ZNF69: variants seen among roughly 807,000 people sequenced by gnomAD.
ZNF69 encodes zinc finger protein 69.
Under a neutral mutation model 50.9 loss-of-function variants are expected in ZNF69, and 47 were observed. The observed-to-expected ratio is 0.92, with a 90% CI of 0.73 to 1.18. ZNF69 has a LOEUF of 1.18. Among genes scored for constraint, ZNF69 ranks in the 50% most tolerant of loss-of-function variants. ZNF69 has a pLI of 0.00. For missense variants in ZNF69, 717 were observed against 675.1 expected (o/e 1.06, Z -0.69); for synonymous variants, 216 against 223.1 (o/e 0.97, Z 0.29).
At chr19:11,947,045 G>C in the ZNF69 span, 1 of 1,386,726 alleles carries the variant, frequency 7.2e-7, no homozygotes, top group Non-Finnish European at 9.6e-7. Context: ...TAGATGGAGA[G>C]AAAGGGATCT....
At chr19:11,908,899 G>T (rs191097865), downstream of ZNF69, among the ~76,000 whole-genome samples, 17 of 152,170 alleles carry the variant, frequency 1.1e-4, no homozygotes, top group Middle Eastern at 6.8e-3. Flanking sequence ...TTTTTGAAAA[G>T]ATCAACAAAA....
the ZNF69 span, among the ~76,000 whole-genome samples, chr19:11,967,358 C>T: frequency 1.3e-5 from 2 of 151,980 alleles, no homozygotes; most frequent in African/African-American, 4.8e-5. Context: ...ACAAAATAAA[C>T]AAGAAAGAGT....
the ZNF69 span, among the ~76,000 whole-genome samples, chr19:11,936,761 C>T: frequency 6.6e-6 from 1 of 152,104 alleles, no homozygotes; most frequent in African/African-American, 2.4e-5. Flanking sequence ...GAAGTCCTTG[C>T]CCATGCCTAT....
rs771470077 is a variant in ZNF69 at position 11,913,408 on chromosome 19, G to GA, written c.*5dup. 5 of 546,288 alleles carry GA rather than the reference G, an allele frequency of 9.2e-6. No homozygotes were observed. Among genetic ancestry groups the GA allele is most frequent in the South Asian group, 2.3e-5 (1 of 43,448 alleles). 33.8% of individuals were successfully genotyped at this position (546,288 alleles called of 1,614,324 possible). A position where few individuals can be genotyped will look rare whatever the true frequency, so the allele number is the denominator to read the frequency against. On this transcript the variant is annotated frameshift_variant and splice_region_variant and stop_retained_variant. Coordinates refer to the ZNF69 transcript ENST00000340180. LOFTEE classifies it high-confidence loss of function. ...TTTTTCTTATCTTTTTTTTTTTCCAGAAAAAAATCTCACTCTGTCACCCAG... is the reference window on the plus strand; with the variant it reads ...TTTTTCTTATCTTTTTTTTTTTCCAGAAAAAAAATCTCACTCTGTCACCCAG...
the ZNF69 span, among the ~76,000 whole-genome samples, chr19:11,924,155 G>A: frequency 6.6e-6 from 1 of 152,106 alleles, no homozygotes; most frequent in Non-Finnish European, 1.5e-5. Flanking sequence ...ATGTGTGGCC[G>A]GGCGCGGTGG....
the ZNF69 span, chr19:11,950,193 A>G: frequency 6.2e-7 from 1 of 1,613,862 alleles, no homozygotes; most frequent in Non-Finnish European, 8.5e-7. Flanking sequence ...ATATACACGC[A>G]AGGACTCATA....
At chr19:11,920,265 C>T in the ZNF69 span, among the ~76,000 whole-genome samples, 3 of 152,008 alleles carry the variant, frequency 2.0e-5, no homozygotes, top group African/African-American at 7.3e-5. Flanking sequence ...GTGTGCACTA[C>T]CATGTCCGGA....
chr19:11,947,908 G>A, the ZNF69 span, among the ~76,000 whole-genome samples: 3 of 152,104 alleles, frequency 2.0e-5, no homozygotes, highest in Non-Finnish European at 2.9e-5. Context: ...CTCAGGAGGC[G>A]AAGGCAGGAG....
At chr19:11,888,188 C>T (rs1464420089) in intron 1 of ZNF69, among the ~76,000 whole-genome samples, 2 of 152,236 alleles carry the variant, frequency 1.3e-5, no homozygotes, top group Non-Finnish European at 2.9e-5. Context: ...CCTGTCTCGT[C>T]TCTGCGCGGC....
At chr19:11,957,015 G>A in the ZNF69 span, among the ~76,000 whole-genome samples, 2 of 151,964 alleles carry the variant, frequency 1.3e-5, no homozygotes, top group African/African-American at 2.4e-5. Flanking sequence ...GATGCCCTCC[G>A]CAAGTGACAG....
the ZNF69 span, among the ~76,000 whole-genome samples, chr19:11,969,526 A>G: frequency 6.6e-6 from 1 of 152,206 alleles, no homozygotes; most frequent in Non-Finnish European, 1.5e-5. Context: ...AGTAATTTTC[A>G]CGAGTTGTAT....
the ZNF69 span, among the ~76,000 whole-genome samples, chr19:11,955,705 A>T: frequency 6.6e-6 from 1 of 152,302 alleles, no homozygotes; most frequent in Admixed American, 6.5e-5. Context: ...AAACTTCTAC[A>T]ACAAAGTATA....
At chr19:11,965,378 G>A in the ZNF69 span, among the ~76,000 whole-genome samples, 4 of 152,216 alleles carry the variant, frequency 2.6e-5, no homozygotes, top group African/African-American at 4.8e-5. Context: ...GGATGGGGCT[G>A]GGCTGGCAGC....
chr19:11,916,297 A>T (rs974038416), downstream of ZNF69, among the ~76,000 whole-genome samples: 2 of 152,164 alleles, frequency 1.3e-5, no homozygotes, highest in Non-Finnish European at 2.9e-5. Context: ...GTGCTTGTAT[A>T]TAGGCTTAGA....
downstream of ZNF69, among the ~76,000 whole-genome samples, chr19:11,909,193 CA>C (rs1170105597): frequency 6.6e-6 from 1 of 151,946 alleles, no homozygotes; most frequent in South Asian, 2.1e-4. Flanking sequence ...GACTACCAAC[CA>C]AAAAAAGTCA....
At chr19:11,922,638 AG>A in the ZNF69 span, among the ~76,000 whole-genome samples, 2 of 140,370 alleles carry the variant, frequency 1.4e-5, no homozygotes, top group Admixed American at 1.5e-4. Flanking sequence ...TGGTTTCACC[AG>A]GGGCCTTTTC....
chr19:11,935,896 C>G, the ZNF69 span, among the ~76,000 whole-genome samples: 1 of 152,134 alleles, frequency 6.6e-6, no homozygotes, highest in East Asian at 1.9e-4. Context: ...TGTGATGTTC[C>G]CTGCCCTGTG....
downstream of ZNF69, among the ~76,000 whole-genome samples, chr19:11,907,236 T>G (rs919406335): frequency 2.0e-5 from 3 of 152,172 alleles, no homozygotes; most frequent in Admixed American, 6.5e-5. Context: ...TGGAACCAAG[T>G]TGGGAAACAC....
chr19:11,905,436 T>C lies in ZNF69; in HGVS notation c.1039T>C (p.Phe347Leu), dbSNP rs891518272. ...GAAAGCATTATCCTCTCTTACAAGT[T>C]TTCAAACACACATAAGAATGCACTC... is the stretch of plus-strand genomic sequence containing the variant. Reference protein sequence around the residue: ...CGKALSSLTSFQTHIRMHSGE... With the variant: ...CGKALSSLTSLQTHIRMHSGE... The change falls in exon 4 of 4, where the codon TTT becomes CTT. Residue 347 changes from phenylalanine (F) to leucine (L), a missense_variant. Coordinates refer to ENST00000429654, the MANE Select transcript of ZNF69 (RefSeq NM_001364730.1). 4.3e-6 allele frequency: 7 copies of C among 1,614,056 alleles called. No individual in the cohort carries two copies. The highest frequency in any genetic ancestry group is 5.9e-6 in the Non-Finnish European group (7 of 1,180,032).
Sources: gnomAD v4.1 joint callset for allele counts (sites outside exome capture counted in the v4.1 genomes callset) on GRCh38, gnomAD v4.1.1 for gene constraint, MANE v1.5 for transcripts, NCBI Gene and HGNC (gene_info 2026-07-23, HGNC 2026-07-21) for gene names.